KIF26B: variants seen among roughly 807,000 people sequenced by gnomAD.
KIF26B encodes kinesin family member 26B, also known as kinesin-like protein KIF26B.
KIF26B carries 63 observed loss-of-function variants against 151.2 expected under a neutral mutation model. The ratio of observed to expected loss-of-function variants is 0.42; its 90% confidence interval spans 0.34 to 0.51. The LOEUF is 0.51. Among genes scored for constraint, KIF26B ranks in the 20% least tolerant of loss-of-function variants. The pLI, the probability that KIF26B is intolerant of heterozygous loss-of-function variation, is 0.07. For synonymous variants in KIF26B, 1,357 were observed against 1,262.1 expected, an observed-to-expected ratio of 1.08 and a Z score of -1.59; for missense variants, 2,813 against 2,913.6, an observed-to-expected ratio of 0.97 and a Z score of 0.79.
intron 2 of KIF26B, among the ~76,000 whole-genome samples, chr1:245,221,336 T>C (rs564963831): frequency 1.9e-4 from 28 of 144,654 alleles, no homozygotes; most frequent in African/African-American, 6.7e-4. Flanking sequence ...ACAAGCGTGG[T>C]GGCCCTTCAG....
intron 4 of KIF26B, among the ~76,000 whole-genome samples, chr1:245,486,366 TATAAG>T (rs902205980): frequency 1.3e-5 from 2 of 149,104 alleles, no homozygotes; most frequent in African/African-American, 4.9e-5. Context: ...TTCAGCAAAG[TATAAG>T]ATAGAGTTGG....
At chr1:245,199,287 T>C (rs1254402847) in intron 2 of KIF26B, among the ~76,000 whole-genome samples, 1 of 152,082 alleles carries the variant, frequency 6.6e-6, no homozygotes, top group Admixed American at 6.6e-5. Context: ...TACACGCAAG[T>C]GTGCACATAT....
intron 9 of KIF26B, among the ~76,000 whole-genome samples, chr1:245,644,155 C>CT (rs539030324): frequency 1.6e-4 from 24 of 151,728 alleles, no homozygotes; most frequent in Non-Finnish European, 2.8e-4. Flanking sequence ...TCCTACAGCT[C>CT]TTTTTTTTCT....
At chr1:245,165,114 G>T (rs181996860) in intron 2 of KIF26B, among the ~76,000 whole-genome samples, 130 of 152,122 alleles carry the variant, frequency 8.5e-4, no homozygotes, top group Admixed American at 8.1e-3. Context: ...CAAGAAGATG[G>T]GTTGGAAGAG....
chr1:245,692,222 G>T (rs1432083767), intron 12 of KIF26B, among the ~76,000 whole-genome samples: 1 of 150,590 alleles, frequency 6.6e-6, no homozygotes, highest in East Asian at 2.0e-4. Flanking sequence ...TGGTGTGTGG[G>T]TGGAGGTGGA....
intron 2 of KIF26B, among the ~76,000 whole-genome samples, chr1:245,201,319 T>C (rs563184140): frequency 6.6e-6 from 1 of 152,294 alleles, no homozygotes; most frequent in South Asian, 2.1e-4. Context: ...AATAAAATAA[T>C]CCTGATCATG....
chr1:245,209,417 A>C (rs946598567), intron 2 of KIF26B, among the ~76,000 whole-genome samples: 1 of 150,996 alleles, frequency 6.6e-6, no homozygotes, highest in African/African-American at 2.4e-5. Flanking sequence ...ATAAAACAAG[A>C]AAAAAAATAA....
chr1:245,439,162 A>G (rs1449796033), intron 4 of KIF26B, among the ~76,000 whole-genome samples: 1 of 152,054 alleles, frequency 6.6e-6, no homozygotes, highest in Non-Finnish European at 1.5e-5. Context: ...AGCCTGGGTG[A>G]CATGGCAAGA....
At chr1:245,163,031 TA>T (rs1179311847) in intron 2 of KIF26B, among the ~76,000 whole-genome samples, 1 of 152,380 alleles carries the variant, frequency 6.6e-6, no homozygotes. Flanking sequence ...CCCACTTTAT[TA>T]AAACATTCTT....
At chr1:245,346,906 C>T (rs1230519194) in intron 2 of KIF26B, among the ~76,000 whole-genome samples, 1 of 152,210 alleles carries the variant, frequency 6.6e-6, no homozygotes, top group South Asian at 2.1e-4. Context: ...TCATGTCTCT[C>T]ATTGTCTAGT....
intron 2 of KIF26B, among the ~76,000 whole-genome samples, chr1:245,258,521 A>C (rs1324537871): frequency 6.6e-6 from 1 of 152,228 alleles, no homozygotes; most frequent in African/African-American, 2.4e-5. Flanking sequence ...CTAACCTGCA[A>C]AAATGAGCAG....
At chr1:245,474,980 AAAAC>A (rs1660002055) in intron 4 of KIF26B, among the ~76,000 whole-genome samples, 2 of 151,964 alleles carry the variant, frequency 1.3e-5, no homozygotes, top group South Asian at 2.1e-4. Context: ...TATATTTTGT[AAAAC>A]AAACAAAAAA....
chr1:245,175,441 C>T (rs888824673), intron 2 of KIF26B, among the ~76,000 whole-genome samples: 7 of 152,096 alleles, frequency 4.6e-5, no homozygotes, highest in East Asian at 3.9e-4. Flanking sequence ...AAGGTGGAGA[C>T]GAGAACACAG....
At chr1:245,315,253 A>T (rs1671744212) in intron 2 of KIF26B, among the ~76,000 whole-genome samples, 1 of 152,206 alleles carries the variant, frequency 6.6e-6, no homozygotes, top group Non-Finnish European at 1.5e-5. Flanking sequence ...ATGGGTAGAG[A>T]GTTTCAGTCT....
In KIF26B at chr1:245,155,078, C is replaced by A; in HGVS notation, c.-347C>A. ...CAGCGGCCGCGAGCCCTGATTGTAT[C>A]CCTCGCTTTCCTCGTGGGGGAGCAC... On this transcript the variant is annotated 5_prime_UTR_variant, in exon 1 of 15. Transcript: ENST00000407071. 2.1e-6 allele frequency: 1 copy of A among 485,436 alleles called. No homozygotes were observed. The highest frequency in any genetic ancestry group is 3.6e-6 in the Non-Finnish European group (1 of 281,490). The allele number at this position is 485,436 out of a possible 1,614,324, so 30.1% of individuals were successfully genotyped here. A position where few individuals can be genotyped will look rare whatever the true frequency, so the allele number is the denominator to read the frequency against.
At chr1:245,420,732 T>C (rs138303601) in intron 4 of KIF26B, among the ~76,000 whole-genome samples, 185 of 152,326 alleles carry the variant, frequency 1.2e-3, no homozygotes, top group African/African-American at 4.4e-3. Context: ...AAGACTAACA[T>C]AAGATGATGA....
chr1:245,527,992 G>A (rs553708962), intron 4 of KIF26B, among the ~76,000 whole-genome samples: 100 of 152,200 alleles, frequency 6.6e-4, no homozygotes, highest in Non-Finnish European at 1.2e-3. Context: ...AGCAGGCCTG[G>A]GGGTGGGCAG....
chr1:245,233,965 T>G (rs1670051266), intron 2 of KIF26B, among the ~76,000 whole-genome samples: 1 of 152,082 alleles, frequency 6.6e-6, no homozygotes, highest in Non-Finnish European at 1.5e-5. Flanking sequence ...GCAGATCACC[T>G]GAGGTCAGGA....
intron 2 of KIF26B, among the ~76,000 whole-genome samples, chr1:245,157,696 A>T (rs531885468): frequency 6.6e-6 from 1 of 152,326 alleles, no homozygotes; most frequent in East Asian, 1.9e-4. Flanking sequence ...GGTTTTATGA[A>T]TGCAGAACTT....
Sources: allele counts gnomAD v4.1 joint callset (sites outside exome capture counted in the v4.1 genomes callset), GRCh38; gene constraint gnomAD v4.1.1; transcripts MANE v1.5; gene names NCBI Gene and HGNC (gene_info 2026-07-23, HGNC 2026-07-21).